The following MRPL48 variants were observed in gnomAD, a reference collection of about 807,000 sequenced individuals.
MRPL48 encodes the protein mitochondrial ribosomal protein L48.
Under a neutral mutation model 32.9 loss-of-function variants are expected in MRPL48, and 16 were observed. The ratio of observed to expected loss-of-function variants is 0.49; its 90% CI spans 0.33 to 0.74. The LOEUF is 0.74. MRPL48 is among the 30% of genes least tolerant of loss of function. MRPL48 has a pLI of 0.02. For missense variants in MRPL48, 206 were observed against 245.3 expected, an observed-to-expected ratio of 0.84 and a Z score of 1.07; for synonymous variants, 94 against 89.2, an observed-to-expected ratio of 1.05 and a Z score of -0.31.
chr11:73,793,257 G>A (rs541349971), intron 1 of MRPL48, among the ~76,000 whole-genome samples: 1 of 152,144 alleles, frequency 6.6e-6, no homozygotes, highest in East Asian at 1.9e-4. Flanking sequence ...TAGAGATGGG[G>A]TTTCTCCATG....
At position 73,843,522 on chromosome 11, in the gene MRPL48, C is replaced by G. The variant is rs59587312; in HGVS notation, c.202-1285C>G. Among the ~76,000 whole-genome samples the G allele has an allele frequency of 3.8e-3, 584 of 152,194 alleles. 4 individuals carry two copies. The highest frequency in any genetic ancestry group is 0.013 in the African/African-American group (555 of 41,526). On this transcript the variant is annotated intron_variant, in intron 4 of 7. Transcript: ENST00000310614. ...TACAGGCATGAGCCATCACGCCCGG[C>G]CTTCATTTTAACTTTTTACAGCAGC...
intron 3 of MRPL48, among the ~76,000 whole-genome samples, chr11:73,817,451 C>T (rs1328313686): frequency 6.6e-6 from 1 of 152,164 alleles, no homozygotes; most frequent in African/African-American, 2.4e-5. Flanking sequence ...AGAAAGATTG[C>T]ACCATTTTAT....
intron 3 of MRPL48, among the ~76,000 whole-genome samples, chr11:73,810,537 A>G: frequency 6.8e-6 from 1 of 148,146 alleles, no homozygotes; most frequent in Non-Finnish European, 1.5e-5. Flanking sequence ...AGAAAAAAGA[A>G]ATAAGGATGT....
chr11:73,812,067 T>C (rs1334157359), intron 3 of MRPL48, among the ~76,000 whole-genome samples: 1 of 152,114 alleles, frequency 6.6e-6, no homozygotes. Context: ...TTGTATTTTT[T>C]AGTAGAGATG....
chr11:73,836,726 A>G (rs1948111077), intron 4 of MRPL48, among the ~76,000 whole-genome samples: 1 of 152,236 alleles, frequency 6.6e-6, no homozygotes, highest in Admixed American at 6.5e-5. Context: ...GAGGATGGCC[A>G]GAATTCATCT....
intron 5 of MRPL48, among the ~76,000 whole-genome samples, chr11:73,848,880 C>T (rs570609313): frequency 2.0e-5 from 3 of 151,820 alleles, no homozygotes; most frequent in Admixed American, 2.0e-4. Context: ...AGTGAAGTGG[C>T]GTGATCTCGG....
In MRPL48 at chr11:73,787,977, C is replaced by G. The variant is rs760504397; in HGVS notation, c.6C>G (p.Ser2Arg). 5 of 1,605,614 alleles carry G rather than the reference C, an allele frequency of 3.1e-6. No homozygotes were observed. Among genetic ancestry groups the G allele is most frequent in the Non-Finnish European group, 4.3e-6 (5 of 1,176,392 alleles). Residue 2 changes from serine to arginine, a missense_variant, in exon 1 of 8, where the codon AGC becomes AGG. By Grantham distance (110) the Ser-to-Arg change is moderately radical. Coordinates refer to ENST00000310614, the MANE Select transcript of MRPL48 (RefSeq NM_016055.6). ...AGGCCGCGCAGCAGCAAAGGATGAG[C>G]GGAACCTTGGAAAAGGTAACGTAGA... Reference protein sequence around the residue: MSGTLEKVLCLR... With the variant: MRGTLEKVLCLR...
At chr11:73,856,212 C>A (rs1029517232) in intron 5 of MRPL48, among the ~76,000 whole-genome samples, 1 of 152,190 alleles carries the variant, frequency 6.6e-6, no homozygotes, top group African/African-American at 2.4e-5. Flanking sequence ...TTGTTTTTAG[C>A]AACTCAATTC....
chr11:73,818,800 T>C (rs1391341098), intron 3 of MRPL48, among the ~76,000 whole-genome samples: 6 of 152,254 alleles, frequency 3.9e-5, no homozygotes, highest in Admixed American at 3.9e-4. Context: ...TTGATGGGTT[T>C]AGTTCTCAGT....
chr11:73,834,908 T>G (rs1479290079), intron 4 of MRPL48, among the ~76,000 whole-genome samples: 1 of 151,754 alleles, frequency 6.6e-6, no homozygotes, highest in South Asian at 2.1e-4. Context: ...TATAGCTCAC[T>G]GCAACCTCAA....
intron 3 of MRPL48, among the ~76,000 whole-genome samples, chr11:73,815,887 C>CT (rs1171532830): frequency 2.1e-5 from 3 of 146,322 alleles, no homozygotes; most frequent in East Asian, 2.0e-4. Flanking sequence ...CCATGCTTGA[C>CT]TTTTATTTTT....
Position 73,825,810 on chromosome 11 carries a change from G to C in MRPL48, c.201+14G>C. On this transcript the variant is annotated intron_variant, in intron 4 of 7. Coordinates refer to ENST00000310614, the MANE Select transcript of MRPL48 (RefSeq NM_016055.6). The stretch of plus-strand genomic sequence containing the variant: ...AAAGCAGAAGAGGTAACGGGCAGGG[G>C]GAGTCTTTTGGAAAAGGATAATGTG... 1.2e-5 allele frequency: 19 copies of C among 1,548,424 alleles called. No individual in the cohort carries two copies. Among genetic ancestry groups the C allele is most frequent in the Non-Finnish European group, 1.5e-5 (17 of 1,143,870 alleles).
Position 73,808,701 on chromosome 11 carries a change from C to T in MRPL48, c.112+351C>T, listed in dbSNP as rs186513443. 8.5e-4 allele frequency among the ~76,000 whole-genome samples: 130 copies of T among 152,286 alleles called. 1 individual carries two copies. Among genetic ancestry groups the T allele is most frequent in the Middle Eastern group, 3.4e-3 (1 of 294 alleles). On this transcript the variant is annotated intron_variant, in intron 3 of 7. Coordinates refer to ENST00000310614, the MANE Select transcript of MRPL48 (RefSeq NM_016055.6). ...CTTTGGGAGGCCGAGGCGGGCGGATCACCTGAGGTCAGGAGTTCGAGACCA... is the reference window on the plus strand; with the variant it reads ...CTTTGGGAGGCCGAGGCGGGCGGATTACCTGAGGTCAGGAGTTCGAGACCA...
intron 3 of MRPL48, among the ~76,000 whole-genome samples, chr11:73,819,104 T>C (rs774020993): frequency 4.1e-4 from 63 of 152,222 alleles, no homozygotes; most frequent in Non-Finnish European, 6.5e-4. Context: ...CTTGTAAATT[T>C]TATAATTAAA....
In MRPL48 at chr11:73,864,671, T is replaced by C. The variant is rs763346871; in HGVS notation, c.*301T>C. ...TGGAGTATCTTTAAGAGATTCTATA[T>C]TCTGGCCAGGCACCGTGGTGCATCC... On this transcript the variant is annotated 3_prime_UTR_variant, in exon 8 of 8. Coordinates refer to ENST00000310614, the MANE Select transcript of MRPL48 (RefSeq NM_016055.6). 15 of 360,564 alleles carry C rather than the reference T, an allele frequency of 4.2e-5. No homozygotes were observed. The highest frequency in any genetic ancestry group is 1.1e-4 in the Admixed American group (3 of 26,416). 22.3% of individuals were successfully genotyped at this position (360,564 alleles called of 1,614,324 possible). A position where few individuals can be genotyped will look rare whatever the true frequency, so the allele number is the denominator to read the frequency against.
At chr11:73,807,631 CTTTT>C (rs777408873) in intron 2 of MRPL48, among the ~76,000 whole-genome samples, 1 of 106,822 alleles carries the variant, frequency 9.4e-6, no homozygotes, top group African/African-American at 3.7e-5. Context: ...GTATTATTAT[CTTTT>C]TTTTTTTTTT....
chr11:73,844,930 T>G lies in MRPL48; in HGVS notation c.325T>G (p.Tyr109Asp). ...GACCCTGGCAGAGAGTTATGCCCAG[T>G]ATGTTCACAACCTCTGCAACTCTCT... ...DMTLAESYAQ[Y>D]VHNLCNSLSI... Residue 109 changes from tyrosine to aspartate, a missense_variant, in exon 5 of 8, where the codon TAT becomes GAT. Coordinates refer to ENST00000310614, the MANE Select transcript of MRPL48 (RefSeq NM_016055.6). The G allele has an allele frequency of 6.2e-7, 1 of 1,613,452 alleles. No individual in the cohort carries two copies. The highest frequency in any genetic ancestry group is 8.5e-7 in the Non-Finnish European group (1 of 1,179,614).
At chr11:73,794,747 C>CTTT (rs1356375156) in intron 1 of MRPL48, among the ~76,000 whole-genome samples, 7 of 134,920 alleles carry the variant, frequency 5.2e-5, no homozygotes, top group African/African-American at 1.9e-4. Context: ...TACTTCTTTT[C>CTTT]TTTTTTTTTT....
Position 73,795,249 on chromosome 11 carries a change from G to A in MRPL48, c.21+7257G>A, listed in dbSNP as rs376687375. The stretch of plus-strand genomic sequence containing the variant: ...GGCTAATTTTTGTATTTTTAGTAGA[G>A]ACAGGGTTTCACCATGTTGGCTAGG... On this transcript the variant is annotated intron_variant, in intron 1 of 7. Coordinates refer to ENST00000310614, the MANE Select transcript of MRPL48 (RefSeq NM_016055.6). 8.6e-5 allele frequency among the ~76,000 whole-genome samples: 13 copies of A among 151,994 alleles called. No individual in the cohort carries two copies. In the East Asian group the frequency reaches 1.6e-3, roughly 18 times the overall value.
Sources: gnomAD v4.1 joint callset for allele counts (sites outside exome capture counted in the v4.1 genomes callset) on GRCh38, gnomAD v4.1.1 for gene constraint, MANE v1.5 for transcripts, NCBI Gene and HGNC (gene_info 2026-07-23, HGNC 2026-07-21) for gene names.